Variants in LPGAT1 observed in about 807,000 individuals in gnomAD.
LPGAT1 encodes the protein acyl-CoA:lysophosphatidylglycerol acyltransferase 1.
Under a neutral mutation model 47.5 loss-of-function variants are expected in LPGAT1, and 11 were observed. That is an observed-to-expected ratio of 0.23 (90% CI 0.15 to 0.38). LPGAT1 has a LOEUF of 0.38. LPGAT1 is among the 10% of genes least tolerant of loss of function. The probability of loss-of-function intolerance (pLI) is 1.00; values close to 1 mark genes in which losing one functional copy is unlikely to be tolerated. For missense variants in LPGAT1, 293 were observed against 439.0 expected (o/e 0.67, Z 2.97); for synonymous variants, 138 against 144.2 (o/e 0.96, Z 0.31).
rs1656846127 is a variant in LPGAT1 at position 211,743,969 on chromosome 1, T to C, written c.*5930A>G. 6.6e-6 allele frequency: 1 copy of C among 152,230 alleles called. No individual in the cohort carries two copies. Among genetic ancestry groups the C allele is most frequent in the South Asian group, 2.1e-4 (1 of 4,838 alleles). 9.4% of individuals were successfully genotyped at this position (152,230 alleles called of 1,614,324 possible). On this transcript the variant is annotated 3_prime_UTR_variant, in exon 8 of 8. Coordinates refer to ENST00000366997, the MANE Select transcript of LPGAT1 (RefSeq NM_014873.3). ...TAAATGCTAACATCTTAGAGATGCC[T>C]ATACCACAGTTTACTTAGCTTTGAG...
At chr1:211,787,324 T>A (rs1043036539) in intron 4 of LPGAT1, among the ~76,000 whole-genome samples, 1 of 151,816 alleles carries the variant, frequency 6.6e-6, no homozygotes, top group African/African-American at 2.4e-5. Flanking sequence ...ACCCCATCTC[T>A]ACTAAAAATA....
intron 6 of LPGAT1, among the ~76,000 whole-genome samples, chr1:211,764,651 C>A (rs1182024936): frequency 6.6e-5 from 10 of 152,128 alleles, no homozygotes; most frequent in African/African-American, 2.4e-4. Context: ...ATAGCTTCCC[C>A]CTGGAACTAT....
Position 211,830,281 on chromosome 1 carries a change from G to A in LPGAT1, c.-28+292C>T, listed in dbSNP as rs1660688667. On this transcript the variant is annotated intron_variant, in intron 1 of 7. Coordinates refer to ENST00000366997, the MANE Select transcript of LPGAT1 (RefSeq NM_014873.3). The surrounding 1 kb of genome is among the most constrained non-coding windows in gnomAD (Gnocchi z 5.9). ...GACGCGGTGGCGGCCCAAGCGGCCC[G>A]AGGCGCTGCGCGAGCGGGCGCGCTG... is the stretch of plus-strand genomic sequence containing the variant. The A allele has an allele frequency of 9.7e-7, 1 of 1,030,720 alleles. No homozygotes were observed. The highest frequency in any genetic ancestry group is 4.6e-5 in the South Asian group (1 of 21,756). The allele number at this position is 1,030,720 out of a possible 1,614,324, so 63.8% of individuals were successfully genotyped here.
chr1:211,829,733 T>C, intron 1 of LPGAT1: 1 of 1,012,388 alleles, frequency 9.9e-7, no homozygotes, highest in Non-Finnish European at 1.2e-6. Context: ...CTCAATAAGA[T>C]TTCCCAGATA....
chr1:211,750,997 C>A lies in LPGAT1; in HGVS notation c.925G>T (p.Glu309Ter), dbSNP rs1333200867. The A allele has an allele frequency of 6.2e-7, 1 of 1,613,710 alleles. No individual in the cohort carries two copies. The highest frequency in any genetic ancestry group is 8.5e-7 in the Non-Finnish European group (1 of 1,179,730). ...AAATGTGATAAGAGGTCTTCTTTTT[C>A]AACAAACCGCTGATAGAGCCAAGTG... ...LTTWLYQRFV[E>*]KEDLLSHFYE... is the part of the protein sequence containing the mutation. Residue 309 changes from glutamate to a stop codon, truncating the protein, a stop_gained, in exon 7 of 8, where the codon GAA becomes TAA. Transcript: ENST00000366997. LOFTEE classifies it high-confidence loss of function.
chr1:211,812,877 G>C (rs1660037517), intron 2 of LPGAT1, among the ~76,000 whole-genome samples: 1 of 152,180 alleles, frequency 6.6e-6, no homozygotes, highest in Non-Finnish European at 1.5e-5. Context: ...CTGACACCTT[G>C]ATTTGAATGT....
At chr1:211,829,990 G>GC in intron 1 of LPGAT1, 1 of 985,794 alleles carries the variant, frequency 1.0e-6, no homozygotes, top group Non-Finnish European at 1.2e-6. Flanking sequence ...GGGAGCAAAA[G>GC]CCAGAAAGAG....
At chr1:211,772,101 C>T (rs12025105) in intron 6 of LPGAT1, among the ~76,000 whole-genome samples, 4 of 152,166 alleles carry the variant, frequency 2.6e-5, no homozygotes, top group East Asian at 3.9e-4. Context: ...TAAAATCCAC[C>T]GGGAATTTAT....
rs1422268560 is a variant in LPGAT1 at position 211,793,034 on chromosome 1, T to C, written c.357+38A>G. ...CAAATGGATTCCTTTTTAACCTTCC[T>C]TTCTGGATGTCTATCTACTGCCTTC... On this transcript the variant is annotated intron_variant, in intron 3 of 7. Coordinates refer to ENST00000366997, the MANE Select transcript of LPGAT1 (RefSeq NM_014873.3). 4.2e-6 allele frequency: 6 copies of C among 1,414,190 alleles called. No individual in the cohort carries two copies. In the African/African-American group the frequency reaches 7.3e-5, roughly 17 times the overall value. 87.6% of individuals were successfully genotyped at this position (1,414,190 alleles called of 1,614,324 possible).
intron 2 of LPGAT1, among the ~76,000 whole-genome samples, chr1:211,828,666 T>C (rs1165086235): frequency 6.6e-6 from 1 of 152,196 alleles, no homozygotes; most frequent in Non-Finnish European, 1.5e-5. Context: ...TTAGCACAAA[T>C]ATGGTCCCAT....
Position 211,793,138 on chromosome 1 carries a change from C to T in LPGAT1, c.291G>A (p.Met97Ile). 1.9e-6 allele frequency: 3 copies of T among 1,611,182 alleles called. No homozygotes were observed. The highest frequency in any genetic ancestry group is 2.5e-6 in the Non-Finnish European group (3 of 1,178,706). ...IKAVSKDEAV[M>I]LVNHQATGDV... ...CTCCTGTTGCCTGATGATTCACCAA[C>T]ATCACTGCTTCATCTTTTGAAACTG... The change falls in exon 3 of 8, where the codon ATG (methionine) becomes ATA (isoleucine). Residue 97 changes from methionine to isoleucine, a missense_variant. Transcript: ENST00000366997.
intron 5 of LPGAT1, 114 bp downstream of exon 5, chr1:211,783,115 T>A: frequency 2.1e-6 from 2 of 952,368 alleles, no homozygotes; most frequent in South Asian, 4.9e-5. Flanking sequence ...TTTCATCTTC[T>A]CCCTATTATT....
At chr1:211,817,196 G>A (rs1251554937) in intron 2 of LPGAT1, among the ~76,000 whole-genome samples, 1 of 152,128 alleles carries the variant, frequency 6.6e-6, no homozygotes, top group Non-Finnish European at 1.5e-5. Context: ...AGGGGGAAAC[G>A]TATATATTGA....
At chr1:211,802,773 T>C (rs1018072202) in intron 2 of LPGAT1, among the ~76,000 whole-genome samples, 1 of 152,116 alleles carries the variant, frequency 6.6e-6, no homozygotes, top group African/African-American at 2.4e-5. Context: ...ATTTCCACTC[T>C]GACATGGGAC....
At chr1:211,777,540 C>A (rs1658453229) in intron 6 of LPGAT1, among the ~76,000 whole-genome samples, 1 of 151,864 alleles carries the variant, frequency 6.6e-6, no homozygotes, top group South Asian at 2.1e-4. Flanking sequence ...TATATAAACT[C>A]CTTAAAAAAA....
At chr1:211,807,690 A>C (rs112144297) in intron 2 of LPGAT1, among the ~76,000 whole-genome samples, 1 of 152,226 alleles carries the variant, frequency 6.6e-6, no homozygotes, top group Non-Finnish European at 1.5e-5. Context: ...TGTTGCAAAA[A>C]AAATGTGAAC....
intron 6 of LPGAT1, among the ~76,000 whole-genome samples, chr1:211,772,098 C>A (rs965270085): frequency 6.6e-6 from 1 of 152,100 alleles, no homozygotes; most frequent in Non-Finnish European, 1.5e-5. Flanking sequence ...AGATAAAATC[C>A]ACCGGGAATT....
intron 2 of LPGAT1, among the ~76,000 whole-genome samples, chr1:211,825,928 C>T (rs1319875746): frequency 1.3e-5 from 2 of 151,932 alleles, no homozygotes; most frequent in Non-Finnish European, 2.9e-5. Flanking sequence ...CCATTGCACT[C>T]TGGCCTGGGC....
At chr1:211,822,920 A>C (rs992819353) in intron 2 of LPGAT1, among the ~76,000 whole-genome samples, 1 of 152,202 alleles carries the variant, frequency 6.6e-6, no homozygotes, top group African/African-American at 2.4e-5. Context: ...TAAGGAAGTT[A>C]GATTTTATGA....
Sources: gnomAD v4.1 joint callset for allele counts (sites outside exome capture counted in the v4.1 genomes callset) on GRCh38, gnomAD v4.1.1 for gene constraint, Gnocchi (gnomAD v3.1) non-coding constraint, MANE v1.5 for transcripts, NCBI Gene and HGNC (gene_info 2026-07-23, HGNC 2026-07-21) for gene names.